SLC6A11: variants seen among roughly 807,000 people sequenced by gnomAD.
SLC6A11 encodes the protein solute carrier family 6 member 11.
SLC6A11 carries 25 observed loss-of-function variants against 74.8 expected under a neutral mutation model. The ratio of observed to expected loss-of-function variants is 0.33; its 90% CI spans 0.24 to 0.47. The LOEUF (loss-of-function observed/expected upper bound fraction) is 0.47, where lower values mean the gene tolerates loss of function less well. Among genes scored for constraint, SLC6A11 ranks in the 20% least tolerant of loss-of-function variants. The pLI, the probability that SLC6A11 is intolerant of heterozygous loss-of-function variation, is 1.00. For missense variants in SLC6A11, 574 were observed against 837.0 expected (o/e 0.69, Z 3.88); for synonymous variants, 330 against 330.2 (o/e 1.00, Z 0.01).
chr3:10,908,693 G>T (rs1407848836), intron 6 of SLC6A11, among the ~76,000 whole-genome samples: 2 of 152,150 alleles, frequency 1.3e-5, no homozygotes, highest in Admixed American at 1.3e-4. Context: ...TGAGGACAGA[G>T]ATGGAGTGCT....
chr3:10,896,768 C>G (rs1001989753), intron 6 of SLC6A11, among the ~76,000 whole-genome samples: 1 of 152,118 alleles, frequency 6.6e-6, no homozygotes, highest in African/African-American at 2.4e-5. Context: ...TCCATGTGCT[C>G]TACAGGGTGC....
At chr3:10,911,688 G>T (rs1336530328) in intron 6 of SLC6A11, among the ~76,000 whole-genome samples, 1 of 152,108 alleles carries the variant, frequency 6.6e-6, no homozygotes, top group Non-Finnish European at 1.5e-5. Flanking sequence ...GATCCCAGGG[G>T]CTCATGGTCC....
In SLC6A11 at chr3:10,823,334, A is replaced by G; in HGVS notation, c.565A>G (p.Ser189Gly). 6.2e-7 allele frequency: 1 copy of G among 1,613,750 alleles called. No individual in the cohort carries two copies. The highest frequency in any genetic ancestry group is 1.1e-5 in the South Asian group (1 of 91,066). ...TGTGGAGTTCCAGAAACTGAATGTG[A>G]GCAACTACAGCCATGTGTCTCTGCA... ...NCVEFQKLNVSNYSHVSLQNA... is the reference protein window; with the variant it reads ...NCVEFQKLNVGNYSHVSLQNA... The change falls in exon 4 of 14, where the codon AGC becomes GGC. Residue 189 changes from serine to glycine, a missense_variant. Around this residue, in one of 4 missense-constraint regions of SLC6A11, gnomAD observed 215 missense variants for 357.9 expected, o/e 0.60. Transcript: ENST00000254488.
intron 13 of SLC6A11, among the ~76,000 whole-genome samples, chr3:10,935,679 C>T (rs1339316737): frequency 2.0e-5 from 3 of 152,182 alleles, no homozygotes; most frequent in Non-Finnish European, 4.4e-5. Context: ...GAAACAGGTT[C>T]AGAGAAATCA....
chr3:10,866,662 C>A (rs1011173699), intron 5 of SLC6A11, among the ~76,000 whole-genome samples: 2 of 152,232 alleles, frequency 1.3e-5, no homozygotes, highest in African/African-American at 4.8e-5. Flanking sequence ...CATGGAAATA[C>A]CACTGCATTG....
chr3:10,853,195 G>A (rs1279895138), intron 5 of SLC6A11, among the ~76,000 whole-genome samples: 6 of 152,218 alleles, frequency 3.9e-5, no homozygotes, highest in African/African-American at 1.4e-4. Flanking sequence ...GTACCCCGAG[G>A]CCAGCAAGTC....
At chr3:10,897,742 T>A (rs1188694876) in intron 6 of SLC6A11, among the ~76,000 whole-genome samples, 1 of 152,186 alleles carries the variant, frequency 6.6e-6, no homozygotes, top group Non-Finnish European at 1.5e-5. Flanking sequence ...GTATCTACCA[T>A]TCTGGGATCT....
At chr3:10,875,724 A>G (rs1234448338) in intron 6 of SLC6A11, among the ~76,000 whole-genome samples, 1 of 152,186 alleles carries the variant, frequency 6.6e-6, no homozygotes, top group East Asian at 1.9e-4. Context: ...GGTGGGCAGT[A>G]ATTGTGCCTA....
In SLC6A11 at chr3:10,816,364, G is replaced by A; in HGVS notation, c.99G>A (p.Ala33=). 3 of 1,465,772 alleles carry A rather than the reference G, an allele frequency of 2.0e-6. No individual in the cohort carries two copies. The highest frequency in any genetic ancestry group is 2.6e-5 in the Admixed American group (1 of 37,786). 90.8% of individuals were successfully genotyped at this position (1,465,772 alleles called of 1,614,324 possible). Residue 33 remains alanine (A), a synonymous_variant, in exon 1 of 14, where the codon GCG becomes GCA. Coordinates refer to ENST00000254488, the MANE Select transcript of SLC6A11 (RefSeq NM_014229.3). This position sits in a 1 kb window ranked among gnomAD's most constrained non-coding sequence, Gnocchi z 4.2. ...GTGGCGGCTGCAGCAGCGGGGGCGC[G>A]GCGCCCGCGCGCCACCCGCGCGTCA... ...APGGGCSSGG[A]APARHPRVKR...
chr3:10,824,440 G>A (rs1286387244), intron 4 of SLC6A11: 1 of 152,086 alleles, frequency 6.6e-6, no homozygotes, highest in African/African-American at 2.4e-5. Context: ...GATACCATTC[G>A]TCTCCTGCCT....
rs1175338371 is a variant in SLC6A11, at chr3:10,926,559, C to T, written c.1233+443C>T. On this transcript the variant is annotated intron_variant, in intron 9 of 13. Transcript: ENST00000254488. This position sits in a 1 kb window ranked among gnomAD's most constrained non-coding sequence, Gnocchi z 5.7. The stretch of plus-strand genomic sequence containing the variant: ...GAGGACACGGACACATAGAAAAGCA[C>T]CTCCTCTTCCTCCATCTCTGTCCTG... Among the ~76,000 whole-genome samples the T allele has an allele frequency of 6.6e-6, 1 of 152,082 alleles. No homozygotes were observed.
At chr3:10,899,552 A>G (rs1695212688) in intron 6 of SLC6A11, among the ~76,000 whole-genome samples, 1 of 152,164 alleles carries the variant, frequency 6.6e-6, no homozygotes, top group Admixed American at 6.5e-5. Context: ...GATCTATTCC[A>G]TTTCCCCTCT....
intron 6 of SLC6A11, among the ~76,000 whole-genome samples, chr3:10,878,727 G>A (rs1694941254): frequency 6.6e-6 from 1 of 151,846 alleles, no homozygotes; most frequent in Non-Finnish European, 1.5e-5. Context: ...CATCCTTTAG[G>A]ACTGAGTTTA....
intron 6 of SLC6A11, among the ~76,000 whole-genome samples, chr3:10,892,124 T>C (rs1695114033): frequency 6.6e-6 from 1 of 152,264 alleles, no homozygotes; most frequent in Admixed American, 6.5e-5. Context: ...AGCAGCAAGA[T>C]GACGGGTCTT....
intron 6 of SLC6A11, among the ~76,000 whole-genome samples, chr3:10,896,780 C>T (rs1272216712): frequency 1.3e-5 from 2 of 152,072 alleles, no homozygotes; most frequent in Non-Finnish European, 2.9e-5. Context: ...ACAGGGTGCT[C>T]AGGAAATGGT....
At chr3:10,873,223 A>G (rs552114621) in intron 5 of SLC6A11, among the ~76,000 whole-genome samples, 20 of 152,174 alleles carry the variant, frequency 1.3e-4, no homozygotes, top group Non-Finnish European at 2.2e-4. Context: ...ATTCTTATCC[A>G]GAATCTGCTA....
intron 6 of SLC6A11, among the ~76,000 whole-genome samples, chr3:10,907,168 C>A (rs915444661): frequency 7.9e-5 from 12 of 152,036 alleles, no homozygotes; most frequent in African/African-American, 2.9e-4. Flanking sequence ...AAATAGCATA[C>A]ATGAAATTGT....
chr3:10,930,897 C>T (rs780738694), intron 10 of SLC6A11, among the ~76,000 whole-genome samples: 12 of 152,038 alleles, frequency 7.9e-5, no homozygotes, highest in Admixed American at 7.2e-4. Context: ...AATCAGCAGG[C>T]GCTGGGGCTT....
At chr3:10,852,568 G>T (rs1694589630) in intron 5 of SLC6A11, among the ~76,000 whole-genome samples, 2 of 152,236 alleles carry the variant, frequency 1.3e-5, no homozygotes, top group East Asian at 1.9e-4. Context: ...GGTGGGAGGG[G>T]GTTCTGTGGC....
Sources: allele counts gnomAD v4.1 joint callset (sites outside exome capture counted in the v4.1 genomes callset), GRCh38; gene constraint gnomAD v4.1.1; regional missense constraint gnomAD v4.1.1; non-coding constraint Gnocchi (gnomAD v3.1); transcripts MANE v1.5; gene names NCBI Gene and HGNC (gene_info 2026-07-23, HGNC 2026-07-21).